Variants in MARF1 observed in about 807,000 individuals in gnomAD.
MARF1 encodes the protein meiosis regulator and mRNA stability factor 1.
In MARF1, 24 loss-of-function variants were observed where a neutral mutation model predicts 168.2. That is an observed-to-expected ratio of 0.14 (90% confidence interval 0.10 to 0.20). The LOEUF (loss-of-function observed/expected upper bound fraction) is 0.20. Ranked by LOEUF, MARF1 falls within the 10% of genes least tolerant of loss-of-function variation. The pLI, the probability that MARF1 is intolerant of heterozygous loss-of-function variation, is 1.00. For synonymous variants in MARF1, 868 were observed against 822.4 expected, an observed-to-expected ratio of 1.06 and a Z score of -0.95; for missense variants, 1,744 against 2,143.6, an observed-to-expected ratio of 0.81 and a Z score of 3.68.
At chr16:15,621,578 G>T in intron 12 of MARF1, 155 bp downstream of exon 12, 1 of 748,376 alleles carries the variant, frequency 1.3e-6, no homozygotes, top group Non-Finnish European at 2.1e-6. Flanking sequence ...GAGTCAAATG[G>T]CTTGTTTCTA....
intron 2 of MARF1, 110 bp downstream of exon 2, chr16:15,638,980 A>C (rs962409684): frequency 3.5e-5 from 39 of 1,103,932 alleles, no homozygotes; most frequent in Non-Finnish European, 4.4e-5. Flanking sequence ...AGATCTACAG[A>C]AAAATGTGGC....
At position 15,599,021 on chromosome 16, in the gene MARF1, G is replaced by C; in HGVS notation, c.4817C>G (p.Pro1606Arg). The C allele has an allele frequency of 6.2e-7, 1 of 1,604,798 alleles. No individual in the cohort carries two copies. The highest frequency in any genetic ancestry group is 2.2e-5 in the East Asian group (1 of 44,794). ...GAGAAGCTCCTGCTCTGTGTGACTGGGCCCTGGGCAAACAAGGAGGGCCGT... is the reference window on the plus strand; with the variant it reads ...GAGAAGCTCCTGCTCTGTGTGACTGCGCCCTGGGCAAACAAGGAGGGCCGT... ...ELKLGADGSG[P>R]SHTEQELLRL... Residue 1606 changes from proline (P) to arginine (R), a missense_variant, in exon 26 of 27, where the codon CCC becomes CGC. By Grantham distance (103) the Pro-to-Arg change is moderately radical (BLOSUM62 -2). Transcript: ENST00000396368.
chr16:15,625,315 C>A, intron 8 of MARF1, 57 bp downstream of exon 8: 1 of 1,558,152 alleles, frequency 6.4e-7, no homozygotes, highest in Non-Finnish European at 8.7e-7. Context: ...GCACGTAAAA[C>A]ACAGAAACAA....
intron 21 of MARF1, 21 bp downstream of exon 21, chr16:15,608,260 GAAAAAAAAAA>G (rs748965777): frequency 2.4e-5 from 20 of 832,266 alleles, no homozygotes; most frequent in East Asian, 2.0e-4. Flanking sequence ...TCCCATGAGG[GAAAAAAAAAA>G]AAAAAAAAAA....
chr16:15,642,404 T>C (rs1179656681), intron 1 of MARF1: 2 of 152,118 alleles, frequency 1.3e-5, no homozygotes, highest in African/African-American at 2.4e-5. Flanking sequence ...GCTTAATAAA[T>C]AGGAAAACAG....
chr16:15,628,668 AGCTTC>A (rs1451792947), intron 7 of MARF1, among the ~76,000 whole-genome samples: 1 of 152,050 alleles, frequency 6.6e-6, no homozygotes, highest in African/African-American at 2.4e-5. Context: ...TGCCCACCTC[AGCTTC>A]CCAAAGTACT....
In MARF1 at chr16:15,636,208, A is replaced by G. The variant is rs776895206; in HGVS notation, c.279T>C (p.Leu93=). Residue 93 remains leucine (L), a synonymous_variant, in exon 3 of 27, where the codon CTT becomes CTC. Transcript: ENST00000396368. ...AGCAGCTTACTTTGGGGACAGAAGA[A>G]AGCTGTATTTTAGGCTGCTGAAGAG... ...IRSLQQPKIQ[L]SSVPKVSCCA... 2 of 1,614,228 alleles carry G rather than the reference A, an allele frequency of 1.2e-6. No individual in the cohort carries two copies. Among genetic ancestry groups the G allele is most frequent in the South Asian group, 2.2e-5 (2 of 91,076 alleles).
At chr16:15,628,310 C>T (rs1004428769) in intron 7 of MARF1, among the ~76,000 whole-genome samples, 28 of 152,156 alleles carry the variant, frequency 1.8e-4, no homozygotes, top group African/African-American at 6.7e-4. Context: ...ACAGTGGTTA[C>T]TTCTGGAGGG....
chr16:15,603,176 T>C (rs181539357), intron 22 of MARF1, among the ~76,000 whole-genome samples: 1 of 152,366 alleles, frequency 6.6e-6, no homozygotes, highest in Non-Finnish European at 1.5e-5. Context: ...GTCCCACAGT[T>C]AGATGATAAT....
chr16:15,611,841 T>C (rs1320823325), intron 17 of MARF1, 107 bp from the exon 18 acceptor site: 6 of 856,226 alleles, frequency 7.0e-6, no homozygotes, highest in Non-Finnish European at 1.1e-5. Context: ...ACTCCCTTTA[T>C]GTAGAATGTG....
At position 15,631,397 on chromosome 16, in the gene MARF1, T is replaced by C; in HGVS notation, c.1335A>G (p.Thr445=). The C allele has an allele frequency of 1.9e-6, 3 of 1,610,546 alleles. No individual in the cohort carries two copies. The highest frequency in any genetic ancestry group is 1.1e-5 in the South Asian group (1 of 90,978). ...RFANTHTAPA[T]VVLVSTDVNF... ...TGTACTTACTTGACACAAGAACCAC[T>C]GTGGCTGGAGCAGTGTGTGTATTTG... is the stretch of plus-strand genomic sequence containing the variant. The change falls in exon 6 of 27, where the codon ACA becomes ACG. Residue 445 remains threonine (T), a synonymous_variant. Transcript: ENST00000396368.
chr16:15,604,470 C>T, intron 21 of MARF1, 72 bp from the exon 22 acceptor site: 2 of 1,065,576 alleles, frequency 1.9e-6, no homozygotes, highest in South Asian at 2.7e-5. Flanking sequence ...ACTCAGCTCA[C>T]TTCATTTTGG....
rs547379312 is a variant in MARF1 at position 15,596,517 on chromosome 16, C to CTTCA, written c.*172_*175dup. 7.0e-5 allele frequency: 34 copies of CTTCA among 488,648 alleles called. No homozygotes were observed. In the South Asian group the frequency reaches 2.7e-3, roughly 39 times the overall value. 30.3% of individuals were successfully genotyped at this position (488,648 alleles called of 1,614,324 possible). On this transcript the variant is annotated 3_prime_UTR_variant, in exon 27 of 27. Coordinates refer to ENST00000396368, the MANE Select transcript of MARF1 (RefSeq NM_014647.4). ...AGAAAAAGGAAGAAGAAAAGAAAGA[C>CTTCA]TTCAGCTCAAAGCTGTGTTCAATGG...
intron 10 of MARF1, among the ~76,000 whole-genome samples, chr16:15,624,295 A>C (rs538025894): frequency 2.0e-5 from 3 of 152,338 alleles, no homozygotes; most frequent in African/African-American, 7.2e-5. Context: ...GCTCATGGGA[A>C]TGCAACACGG....
intron 15 of MARF1, 199 bp downstream of exon 15, chr16:15,616,853 A>T: frequency 1.8e-6 from 1 of 560,124 alleles, no homozygotes; most frequent in South Asian, 2.8e-5. Flanking sequence ...ATCTTATGGG[A>T]CCACTGTCCT....
At chr16:15,613,016 A>T (rs2033707487) in intron 16 of MARF1, among the ~76,000 whole-genome samples, 1 of 152,246 alleles carries the variant, frequency 6.6e-6, no homozygotes, top group African/African-American at 2.4e-5. Context: ...TAAGCGGCCA[A>T]GGTAAAGCAG....
Position 15,611,683 on chromosome 16 carries a change from C to T in MARF1, c.3526G>A (p.Val1176Met), listed in dbSNP as rs1341451591. Residue 1176 changes from valine (V) to methionine (M), a missense_variant, in exon 18 of 27, where the codon GTG (valine) becomes ATG (methionine). By Grantham distance (21) the Val-to-Met change is conservative. Coordinates refer to ENST00000396368, the MANE Select transcript of MARF1 (RefSeq NM_014647.4). Reference protein sequence around the residue: ...RLLTLTHRAQVKRFTQDLLKL... With the variant: ...RLLTLTHRAQMKRFTQDLLKL... ...AGTAAATCCTGAGTAAAGCGCTTCA[C>T]CTGGGCCCTGTGGGTAAGGGTCAGC... The T allele has an allele frequency of 3.1e-6, 5 of 1,614,106 alleles. No individual in the cohort carries two copies. The highest frequency in any genetic ancestry group is 4.2e-6 in the Non-Finnish European group (5 of 1,180,006).
intron 16 of MARF1, among the ~76,000 whole-genome samples, chr16:15,613,661 C>CAATAAATTAAATAAATAAATA (rs2033776816): frequency 7.9e-6 from 1 of 126,648 alleles, no homozygotes; most frequent in East Asian, 2.1e-4. Flanking sequence ...GATTCCGTCT[C>CAATAAATTAAATAAATAAATA]AATAAATAAA....
intron 12 of MARF1, chr16:15,621,498 C>A: frequency 4.0e-6 from 2 of 503,992 alleles, no homozygotes; most frequent in Non-Finnish European, 3.5e-6. Flanking sequence ...GAACATGTTG[C>A]GTATTATTTT....
Sources: allele counts gnomAD v4.1 joint callset (sites outside exome capture counted in the v4.1 genomes callset), GRCh38; gene constraint gnomAD v4.1.1; transcripts MANE v1.5; gene names NCBI Gene and HGNC (gene_info 2026-07-23, HGNC 2026-07-21).